Variants in SRRM4 observed in about 807,000 individuals in gnomAD.
SRRM4 encodes the protein serine/arginine repetitive matrix 4, also known as serine/arginine repetitive matrix protein 4.
Under a neutral mutation model 68.9 loss-of-function variants are expected in SRRM4, and 33 were observed. The observed-to-expected ratio is 0.48, with a 90% CI of 0.36 to 0.64. The LOEUF is 0.64. Among genes scored for constraint, SRRM4 ranks in the 30% least tolerant of loss-of-function variants. The pLI is 0.00. For missense variants in SRRM4, 817 were observed against 827.1 expected, an observed-to-expected ratio of 0.99 and a Z score of 0.15; for synonymous variants, 318 against 318.8, an observed-to-expected ratio of 1.00 and a Z score of 0.03.
chr12:119,162,527 G>T lies in SRRM4; in HGVS notation c.*5729G>T, dbSNP rs1393988854. ...TTCAGAGGAGAAAACTGAGGCTCAG[G>T]AGGGGGAGTTGACATGCCCAAGCTC... On this transcript the variant is annotated 3_prime_UTR_variant, in exon 13 of 13. Transcript: ENST00000267260. 6.6e-6 allele frequency: 1 copy of T among 152,178 alleles called. No individual in the cohort carries two copies. Among genetic ancestry groups the T allele is most frequent in the Non-Finnish European group, 1.5e-5 (1 of 68,034 alleles). 9.4% of individuals were successfully genotyped at this position (152,178 alleles called of 1,614,324 possible).
intron 8 of SRRM4, among the ~76,000 whole-genome samples, chr12:119,143,658 C>T (rs1004285519): frequency 2.0e-5 from 3 of 152,150 alleles, no homozygotes; most frequent in South Asian, 2.1e-4. Flanking sequence ...TCAGCCTGAA[C>T]ATCCAAGTTC....
intron 1 of SRRM4, among the ~76,000 whole-genome samples, chr12:119,048,542 C>G (rs1211218060): frequency 1.3e-5 from 2 of 152,134 alleles, no homozygotes; most frequent in Non-Finnish European, 2.9e-5. Flanking sequence ...AAATCGGGTT[C>G]AAATCCTGCC....
At chr12:119,091,085 G>A (rs1954011694) in intron 1 of SRRM4, among the ~76,000 whole-genome samples, 1 of 152,188 alleles carries the variant, frequency 6.6e-6, no homozygotes, top group Admixed American at 6.5e-5. Context: ...CTGCTTGTTA[G>A]GAATTTTCTC....
chr12:119,059,197 C>T (rs1266821029), intron 1 of SRRM4, among the ~76,000 whole-genome samples: 1 of 152,118 alleles, frequency 6.6e-6, no homozygotes, highest in Non-Finnish European at 1.5e-5. Context: ...CCCACCCTGT[C>T]CCTTTCTACT....
intron 8 of SRRM4, among the ~76,000 whole-genome samples, chr12:119,137,173 A>G (rs1055653503): frequency 6.6e-6 from 1 of 151,958 alleles, no homozygotes; most frequent in East Asian, 1.9e-4. Flanking sequence ...CACTCACATG[A>G]GAATTTCCAG....
Position 119,087,375 on chromosome 12 carries a change from C to A in SRRM4, c.132-14861C>A, listed in dbSNP as rs953288405. ...AGGTGAAAGAAGCCAGGAGAAGGAA[C>A]AAGGAGGAAAAAGGAGTGGAAACAG... On this transcript the variant is annotated intron_variant, in intron 1 of 12. Coordinates refer to ENST00000267260, the MANE Select transcript of SRRM4 (RefSeq NM_194286.4). Among the ~76,000 whole-genome samples the A allele has an allele frequency of 2.6e-5, 4 of 152,132 alleles. No individual in the cohort carries two copies. The South Asian group carries it at 8.3e-4, about 32-fold the overall frequency.
At chr12:119,116,816 T>C (rs1954182737) in intron 3 of SRRM4, 121 bp from the exon 4 acceptor site, 2 of 687,044 alleles carry the variant, frequency 2.9e-6, no homozygotes, top group Non-Finnish European at 5.0e-6. Context: ...ATGGATATTA[T>C]CTTTGATGTG....
At chr12:118,982,688 T>TTG (rs1953257725) in intron 1 of SRRM4, among the ~76,000 whole-genome samples, 2 of 141,786 alleles carry the variant, frequency 1.4e-5, no homozygotes, top group African/African-American at 5.4e-5. Context: ...TGTTTTTTTT[T>TTG]TTTTTTTCCA....
intron 1 of SRRM4, among the ~76,000 whole-genome samples, chr12:119,064,094 A>G (rs1953830840): frequency 6.6e-6 from 1 of 152,232 alleles, no homozygotes; most frequent in African/African-American, 2.4e-5. Flanking sequence ...GAGCAGGGTG[A>G]GAGCAACTCC....
intron 1 of SRRM4, among the ~76,000 whole-genome samples, chr12:119,017,037 G>A (rs890218837): frequency 6.6e-6 from 1 of 152,238 alleles, no homozygotes; most frequent in Non-Finnish European, 1.5e-5. Context: ...GTACTATCAT[G>A]CTTGTTAAAT....
intron 1 of SRRM4, among the ~76,000 whole-genome samples, chr12:119,005,934 C>A (rs1324739447): frequency 1.3e-5 from 2 of 152,174 alleles, no homozygotes; most frequent in Admixed American, 6.5e-5. Flanking sequence ...AAGCTCTTAA[C>A]CTCTCTGAGT....
chr12:119,061,335 G>A (rs1953810950), intron 1 of SRRM4, among the ~76,000 whole-genome samples: 1 of 152,206 alleles, frequency 6.6e-6, no homozygotes, highest in African/African-American at 2.4e-5. Flanking sequence ...ACTTGGGTGT[G>A]TTGGCAGAAC....
chr12:119,139,007 C>T (rs1378923615), intron 8 of SRRM4, among the ~76,000 whole-genome samples: 1 of 152,148 alleles, frequency 6.6e-6, no homozygotes, highest in Non-Finnish European at 1.5e-5. Flanking sequence ...TCTGGAGTGG[C>T]TCTTGCTAAT....
At chr12:119,134,537 T>G (rs573643956) in intron 8 of SRRM4, among the ~76,000 whole-genome samples, 15 of 152,282 alleles carry the variant, frequency 9.9e-5, no homozygotes, top group South Asian at 2.1e-4. Flanking sequence ...TTTCTCCAGT[T>G]GTTAAAATAT....
At chr12:119,104,443 A>C (rs1954095111) in intron 2 of SRRM4, among the ~76,000 whole-genome samples, 1 of 141,450 alleles carries the variant, frequency 7.1e-6, no homozygotes. Context: ...TAACAGTGAT[A>C]ATAAAAGTAA....
At position 119,145,643 on chromosome 12, in the gene SRRM4, T is replaced by C. The variant is rs550753569; in HGVS notation, c.1034T>C (p.Met345Thr). The part of the protein sequence containing the change: ...TTSSPQNKGA[M>T]LENLSPTSRG... ...TCCTCACCCCAGAACAAGGGGGCCA[T>C]GTTGGAGAATCTCTCCCCCACCAGC... Residue 345 changes from methionine (M) to threonine (T), a missense_variant, in exon 9 of 13, where the codon ATG becomes ACG. Met to Thr is a moderately conservative substitution (Grantham distance 81). Coordinates refer to ENST00000267260, the MANE Select transcript of SRRM4 (RefSeq NM_194286.4). 2.0e-6 allele frequency: 3 copies of C among 1,531,272 alleles called. No individual in the cohort carries two copies. The East Asian group carries it at 6.8e-5, about 35-fold the overall frequency. 94.9% of individuals were successfully genotyped at this position (1,531,272 alleles called of 1,614,324 possible).
Position 119,026,432 on chromosome 12 carries a change from A to G in SRRM4, c.131+44419A>G, listed in dbSNP as rs1953548761. On this transcript the variant is annotated intron_variant, in intron 1 of 12. Transcript: ENST00000267260. ...CTCAAAGAGGAAGTAACAGAGGACA[A>G]GGGCCACATCTATAAGTGTCACTTG... 2.0e-5 allele frequency among the ~76,000 whole-genome samples: 3 copies of G among 152,192 alleles called. No homozygotes were observed. In the South Asian group the frequency reaches 6.2e-4, roughly 32 times the overall value.
chr12:119,082,539 T>C (rs1750088217), intron 1 of SRRM4, among the ~76,000 whole-genome samples: 1 of 152,226 alleles, frequency 6.6e-6, no homozygotes, highest in South Asian at 2.1e-4. Flanking sequence ...ACTGTTGCAG[T>C]GCATAAGGAT....
At position 119,100,327 on chromosome 12, in the gene SRRM4, CA is replaced by C. The variant is rs34887621; in HGVS notation, c.132-1893del. On this transcript the variant is annotated intron_variant, in intron 1 of 12. Coordinates refer to ENST00000267260, the MANE Select transcript of SRRM4 (RefSeq NM_194286.4). ...ACAATACAGTGGGACCCTGTCTCTA[CA>C]AAAAAAAAAAAAAAATCTGGGTGTG... Among the ~76,000 whole-genome samples the C allele has an allele frequency of 7.5e-3, 786 of 105,392 alleles. 20 individuals carry two copies. Among genetic ancestry groups the C allele is most frequent in the African/African-American group, 0.025 (665 of 26,816 alleles). 69.1% of individuals were successfully genotyped at this position (105,392 alleles called of 152,430 possible). A position where few individuals can be genotyped will look rare whatever the true frequency, so the allele number is the denominator to read the frequency against.
Sources: allele counts gnomAD v4.1 joint callset (sites outside exome capture counted in the v4.1 genomes callset), GRCh38; gene constraint gnomAD v4.1.1; transcripts MANE v1.5; gene names NCBI Gene and HGNC (gene_info 2026-07-23, HGNC 2026-07-21).